CELF2: variants seen among roughly 807,000 people sequenced by gnomAD.
CELF2 encodes CUG triplet repeat RNA-binding protein 2.
A neutral mutation model predicts 62.6 loss-of-function variants in CELF2; 8 were observed. The ratio of observed to expected loss-of-function variants is 0.13; its 90% confidence interval spans 0.07 to 0.23. CELF2 has a LOEUF of 0.23. Ranked by LOEUF, CELF2 falls within the 10% of genes least tolerant of loss-of-function variation. CELF2 has a pLI of 1.00. For synonymous variants in CELF2, 258 were observed against 250.0 expected, an observed-to-expected ratio of 1.03 and a Z score of -0.30; for missense variants, 333 against 671.0, an observed-to-expected ratio of 0.50 and a Z score of 5.56.
At position 10,928,481 on chromosome 10, in the gene CELF2, C is replaced by G. The variant is rs2065759097; in HGVS notation, c.89+8482C>G. ...CCCACAGACGAAATCTAGATAGTGG[C>G]CTGTGCTTATAAATATATATATATA... On this transcript the variant is annotated intron_variant, in intron 2 of 13. Coordinates refer to the CELF2 transcript ENST00000636488. This position sits in a 1 kb window ranked among gnomAD's most constrained non-coding sequence, Gnocchi z 4.8. 6.6e-6 allele frequency among the ~76,000 whole-genome samples: 1 copy of G among 152,106 alleles called. No individual in the cohort carries two copies. The highest frequency in any genetic ancestry group is 2.4e-5 in the African/African-American group (1 of 41,398).
At chr10:11,015,988 A>AT (rs1211039411), upstream of CELF2, among the ~76,000 whole-genome samples, 17 of 152,074 alleles carry the variant, frequency 1.1e-4, no homozygotes, top group African/African-American at 4.1e-4. The surrounding 1 kb of genome is among the most constrained non-coding windows in gnomAD (Gnocchi z 4.8). Flanking sequence ...ATTAGAAAAT[A>AT]TTTTTCATTT....
chr10:10,692,320 G>C, the CELF2 span, among the ~76,000 whole-genome samples: 67 of 151,686 alleles, frequency 4.4e-4, no homozygotes, highest in African/African-American at 1.6e-3. Flanking sequence ...GATAGTTGTA[G>C]ATATGTGGCA....
chr10:10,723,778 G>A, the CELF2 span, among the ~76,000 whole-genome samples: 12 of 152,266 alleles, frequency 7.9e-5, no homozygotes, highest in Middle Eastern at 6.8e-3. Flanking sequence ...TATGTATTCC[G>A]TGAACAGCCA....
the CELF2 span, among the ~76,000 whole-genome samples, chr10:10,656,930 A>T: frequency 6.6e-6 from 1 of 151,860 alleles, no homozygotes; most frequent in South Asian, 2.1e-4. Context: ...AAAAAAAAAA[A>T]AAAAGAAAAC....
intron 4 of CELF2, among the ~76,000 whole-genome samples, chr10:11,256,620 T>C (rs947535340): frequency 8.6e-5 from 10 of 116,468 alleles, no homozygotes; most frequent in African/African-American, 3.0e-4. Flanking sequence ...AATGAAACGA[T>C]GGAAAAGAAG....
In CELF2 at chr10:11,239,708, T is replaced by C. The variant is rs186966429; in HGVS notation, c.355-9445T>C. Among the ~76,000 whole-genome samples the C allele has an allele frequency of 2.1e-4, 32 of 149,204 alleles. No homozygotes were observed. The East Asian group carries it at 5.7e-3, about 26-fold the overall frequency. On this transcript the variant is annotated intron_variant, in intron 3 of 12. Coordinates refer to ENST00000633077, the MANE Select transcript of CELF2 (RefSeq NM_001326342.2). ...TTGTTGTTACCAAACTCAAATCCACTTTTTTTTTTAAACTGGCTTAGATCA... is the reference window on the plus strand; with the variant it reads ...TTGTTGTTACCAAACTCAAATCCACCTTTTTTTTTAAACTGGCTTAGATCA...
At chr10:11,298,581 C>T (rs757447367) in intron 9 of CELF2, among the ~76,000 whole-genome samples, 9 of 152,186 alleles carry the variant, frequency 5.9e-5, no homozygotes. Flanking sequence ...AGTATGTAGA[C>T]ATCTTGATCA....
At chr10:10,914,163 A>G (rs971511855) in intron 1 of CELF2, among the ~76,000 whole-genome samples, 5 of 152,242 alleles carry the variant, frequency 3.3e-5, no homozygotes, top group South Asian at 2.1e-4. Flanking sequence ...TACTTTTGGG[A>G]AAAAAATTAA....
chr10:11,314,107 C>T lies in CELF2; in HGVS notation c.977-32C>T, dbSNP rs573091362. On this transcript the variant is annotated intron_variant, in intron 9 of 12. Transcript: ENST00000633077. The surrounding 1 kb of genome is among the most constrained non-coding windows in gnomAD (Gnocchi z 5.3). Reference sequence around the variant, plus strand: ...TCGGCTCTCACTCACCTCGTGTCTTCTCTCCCCTTGTCTCTGTTTTCCTTT... The same window carrying T: ...TCGGCTCTCACTCACCTCGTGTCTTTTCTCCCCTTGTCTCTGTTTTCCTTT... The T allele has an allele frequency of 6.4e-7, 1 of 1,570,906 alleles. No individual in the cohort carries two copies. The highest frequency in any genetic ancestry group is 8.6e-7 in the Non-Finnish European group (1 of 1,159,874).
chr10:10,527,973 A>G, the CELF2 span, among the ~76,000 whole-genome samples: 2 of 152,172 alleles, frequency 1.3e-5, no homozygotes, highest in African/African-American at 2.4e-5. Context: ...ACATTACTTC[A>G]TTCAGTCCTC....
chr10:11,232,099 G>A (rs1025092404), intron 3 of CELF2, among the ~76,000 whole-genome samples: 15 of 151,942 alleles, frequency 9.9e-5, no homozygotes, highest in Non-Finnish European at 1.5e-4. Flanking sequence ...CCATTAACTC[G>A]TCAGTTAACA....
rs144446634 is a variant in CELF2 at position 11,199,124 on chromosome 10, G to T, written c.272-18301G>T. Among the ~76,000 whole-genome samples, 869 of 152,280 alleles carry T rather than the reference G, an allele frequency of 5.7e-3. 10 individuals are homozygous for T. The highest frequency in any genetic ancestry group is 0.02 in the African/African-American group (821 of 41,544). On this transcript the variant is annotated intron_variant, in intron 2 of 12. Transcript: ENST00000633077. ...GTATGACTGTTCTCTAGTGGCGAGA[G>T]ATTGTCAAGGAAGAAATGAACAGTT...
At chr10:11,079,208 T>C (rs565912366) in intron 1 of CELF2, among the ~76,000 whole-genome samples, 86 of 152,328 alleles carry the variant, frequency 5.6e-4, no homozygotes, top group African/African-American at 1.8e-3. Flanking sequence ...CTCAAAAATG[T>C]ATAAATTTCA....
intron 1 of CELF2, among the ~76,000 whole-genome samples, chr10:10,883,425 G>C (rs2061557128): frequency 6.6e-6 from 1 of 152,152 alleles, no homozygotes; most frequent in South Asian, 2.1e-4. Context: ...AAGCAGTCAT[G>C]CTGCAATCCA....
the CELF2 span, among the ~76,000 whole-genome samples, chr10:10,491,056 A>G: frequency 6.6e-6 from 1 of 152,164 alleles, no homozygotes; most frequent in African/African-American, 2.4e-5. Context: ...TAGGGAATGG[A>G]CTAAGGAAAA....
At chr10:10,701,066 C>T in the CELF2 span, among the ~76,000 whole-genome samples, 14 of 152,304 alleles carry the variant, frequency 9.2e-5, no homozygotes, top group African/African-American at 3.1e-4. Flanking sequence ...GATTTATCAG[C>T]GGCCCTCAGG....
At chr10:10,849,913 C>T (rs946029891) in intron 1 of CELF2, among the ~76,000 whole-genome samples, 2 of 151,674 alleles carry the variant, frequency 1.3e-5, no homozygotes, top group African/African-American at 4.8e-5. Context: ...GAGGCCGAGG[C>T]AGGCAGATCA....
chr10:10,712,157 A>AC, the CELF2 span, among the ~76,000 whole-genome samples: 630 of 146,286 alleles, frequency 4.3e-3, 8 homozygotes, highest in African/African-American at 0.016. Context: ...CAAAAAAAAA[A>AC]AAAAAAAAAA....
chr10:10,659,312 T>A, the CELF2 span, among the ~76,000 whole-genome samples: 1 of 152,222 alleles, frequency 6.6e-6, no homozygotes, highest in Middle Eastern at 3.2e-3. Context: ...CAGTGAATTG[T>A]TTGCTCTTTA....
Sources: gnomAD v4.1 joint callset for allele counts (sites outside exome capture counted in the v4.1 genomes callset) on GRCh38, gnomAD v4.1.1 for gene constraint, Gnocchi (gnomAD v3.1) non-coding constraint, MANE v1.5 for transcripts, NCBI Gene and HGNC (gene_info 2026-07-23, HGNC 2026-07-21) for gene names.